Variants in NOX4 observed in about 807,000 individuals in gnomAD.
The protein encoded by NOX4 is kidney oxidase-1.
In NOX4, 69 loss-of-function variants were observed where a neutral mutation model predicts 87.6. The ratio of observed to expected loss-of-function variants is 0.79; its 90% CI spans 0.65 to 0.96. The LOEUF is 0.96. Among genes scored for constraint, NOX4 ranks in the 40% least tolerant of loss-of-function variants. The pLI is 0.00. For missense variants in NOX4, 680 were observed against 681.5 expected (o/e 1.00, Z 0.02); for synonymous variants, 275 against 238.2 (o/e 1.15, Z -1.42).
chr11:89,403,956 T>G (rs1942022604), intron 8 of NOX4, among the ~76,000 whole-genome samples: 1 of 152,088 alleles, frequency 6.6e-6, no homozygotes, highest in South Asian at 2.1e-4. Flanking sequence ...TTTTCTTCCT[T>G]AAAACTAGTC....
At chr11:89,449,856 T>A (rs576206584) in intron 3 of NOX4, among the ~76,000 whole-genome samples, 1 of 152,262 alleles carries the variant, frequency 6.6e-6, no homozygotes, top group African/African-American at 2.4e-5. Flanking sequence ...TACCACAAAT[T>A]GTCATCAGTG....
At chr11:89,457,609 G>A (rs1018998494) in intron 2 of NOX4, among the ~76,000 whole-genome samples, 7 of 152,056 alleles carry the variant, frequency 4.6e-5, no homozygotes, top group African/African-American at 1.7e-4. Context: ...GCTGATCCTT[G>A]GCCCCCTAAA....
intron 6 of NOX4, among the ~76,000 whole-genome samples, chr11:89,438,915 ATAAAAT>A (rs1944320581): frequency 1.9e-5 from 1 of 53,318 alleles, no homozygotes; most frequent in African/African-American, 7.1e-5. Flanking sequence ...AATATATAAT[ATAAAAT>A]ATATATAATA....
At chr11:89,502,774 A>G (rs1010682129), upstream of NOX4, among the ~76,000 whole-genome samples, 32 of 152,126 alleles carry the variant, frequency 2.1e-4, no homozygotes, top group Non-Finnish European at 4.7e-4. Context: ...TTGATAATTC[A>G]GGGAATATAT....
At chr11:89,445,246 G>A (rs923023399) in intron 4 of NOX4, among the ~76,000 whole-genome samples, 2 of 152,006 alleles carry the variant, frequency 1.3e-5, no homozygotes, top group African/African-American at 4.8e-5. Context: ...TAGTGCAATG[G>A]TTCAAAAGAA....
chr11:89,579,714 T>C, the NOX4 span, among the ~76,000 whole-genome samples: 2 of 152,224 alleles, frequency 1.3e-5, no homozygotes, highest in Admixed American at 1.3e-4. Flanking sequence ...AGATTAATAA[T>C]AGGGGAAACT....
At chr11:89,503,441 TA>T in the NOX4 span, among the ~76,000 whole-genome samples, 3 of 151,950 alleles carry the variant, frequency 2.0e-5, no homozygotes, top group Non-Finnish European at 4.4e-5. Flanking sequence ...AACACAATGT[TA>T]AAAAAACTGC....
At chr11:89,487,927 A>G (rs1946696590) in intron 2 of NOX4, among the ~76,000 whole-genome samples, 1 of 152,182 alleles carries the variant, frequency 6.6e-6, no homozygotes, top group Admixed American at 6.5e-5. Flanking sequence ...ACTACTTCAT[A>G]GATAGTAAAA....
intron 11 of NOX4, among the ~76,000 whole-genome samples, chr11:89,387,936 A>C (rs1940829942): frequency 6.6e-6 from 1 of 152,328 alleles, no homozygotes; most frequent in Non-Finnish European, 1.5e-5. Flanking sequence ...TACATTCTAC[A>C]CAGGTTTTAA....
the NOX4 span, among the ~76,000 whole-genome samples, chr11:89,559,988 G>A: frequency 6.6e-6 from 1 of 152,052 alleles, no homozygotes; most frequent in Non-Finnish European, 1.5e-5. Context: ...CCTATACCCT[G>A]GCATCTATGA....
chr11:89,414,056 G>A (rs1591164735), intron 8 of NOX4, among the ~76,000 whole-genome samples: 1 of 151,950 alleles, frequency 6.6e-6, no homozygotes, highest in East Asian at 1.9e-4. Flanking sequence ...ATAGGTCTGG[G>A]AGATACAATT....
At chr11:89,522,901 G>C in the NOX4 span, among the ~76,000 whole-genome samples, 1 of 152,048 alleles carries the variant, frequency 6.6e-6, no homozygotes, top group African/African-American at 2.4e-5. Flanking sequence ...TAGGACTCAC[G>C]GTAGAGAGGT....
the NOX4 span, among the ~76,000 whole-genome samples, chr11:89,504,928 T>C: frequency 6.6e-6 from 1 of 151,948 alleles, no homozygotes; most frequent in Non-Finnish European, 1.5e-5. Context: ...CAGAATATGA[T>C]TAGTTCTTCT....
At chr11:89,471,713 C>T (rs542229034) in intron 2 of NOX4, among the ~76,000 whole-genome samples, 147 of 152,144 alleles carry the variant, frequency 9.7e-4, no homozygotes, top group African/African-American at 3.4e-3. Context: ...GATTACCTAA[C>T]TTTTTTGATT....
chr11:89,487,099 C>A (rs1267278850), intron 2 of NOX4, among the ~76,000 whole-genome samples: 1 of 151,994 alleles, frequency 6.6e-6, no homozygotes, highest in Non-Finnish European at 1.5e-5. Flanking sequence ...TGACATGGAC[C>A]AGTGAAGTCG....
the NOX4 span, among the ~76,000 whole-genome samples, chr11:89,517,323 G>A: frequency 6.6e-6 from 1 of 152,026 alleles, no homozygotes; most frequent in African/African-American, 2.4e-5. Context: ...AGTTCATCAA[G>A]TTTTTAAGTT....
chr11:89,370,170 T>A (rs900070923), intron 12 of NOX4, among the ~76,000 whole-genome samples: 12 of 152,136 alleles, frequency 7.9e-5, no homozygotes, highest in African/African-American at 2.9e-4. Flanking sequence ...TGTCTTCTCA[T>A]TTTTAATCCT....
In NOX4 at chr11:89,392,158, A is replaced by AT. The variant is rs1180545388; in HGVS notation, c.1074+7858dup. 3.3e-5 allele frequency among the ~76,000 whole-genome samples: 5 copies of AT among 152,024 alleles called. No homozygotes were observed. The East Asian group carries it at 5.8e-4, about 18-fold the overall frequency. ...TTACAGAACCAGAAGAAATAAGACA[A>AT]TTTTTTTTCTTAAATGAAAAAGTAA... On this transcript the variant is annotated intron_variant, in intron 11 of 17. Transcript: ENST00000263317.
chr11:89,473,903 C>T (rs1407304893), intron 2 of NOX4, among the ~76,000 whole-genome samples: 1 of 152,070 alleles, frequency 6.6e-6, no homozygotes, highest in Non-Finnish European at 1.5e-5. Context: ...AGCCAAAATG[C>T]CTAACACAGT....
Sources: gnomAD v4.1 joint callset for allele counts (sites outside exome capture counted in the v4.1 genomes callset) on GRCh38, gnomAD v4.1.1 for gene constraint, MANE v1.5 for transcripts, NCBI Gene and HGNC (gene_info 2026-07-23, HGNC 2026-07-21) for gene names.